AMTN: variants seen among roughly 807,000 people sequenced by gnomAD.
The protein encoded by AMTN is RSTI689.
A neutral mutation model predicts 27.4 loss-of-function variants in AMTN; 29 were observed. The ratio of observed to expected loss-of-function variants is 1.06; its 90% CI spans 0.79 to 1.44. The LOEUF (loss-of-function observed/expected upper bound fraction) is 1.44, where lower values mean the gene tolerates loss of function less well. Ranked by LOEUF, AMTN falls within the 40% of genes most tolerant of loss-of-function variation. AMTN has a pLI of 0.00. For synonymous variants in AMTN, 86 were observed against 95.7 expected (o/e 0.90, Z 0.59); for missense variants, 247 against 248.8 (o/e 0.99, Z 0.05).
chr4:70,523,548 C>T (rs115515088), intron 3 of AMTN, among the ~76,000 whole-genome samples: 2 of 152,206 alleles, frequency 1.3e-5, no homozygotes, highest in South Asian at 2.1e-4. Context: ...AATTTGGGAA[C>T]CTTCTTTAAG....
rs1366342987 is a variant in AMTN, at chr4:70,520,176, A to AGCAGGCCGGCTGT, written c.54+1353_54+1365dup. On this transcript the variant is annotated intron_variant, in intron 2 of 8. Coordinates refer to ENST00000339336, the MANE Select transcript of AMTN (RefSeq NM_212557.4). ...TCTCATGTGAGGTGGGCTGAGGTGG[A>AGCAGGCCGGCTGT]GCAGGCCGGCTGTGCAGGCCACAGC... Among the ~76,000 whole-genome samples, 3 of 152,212 alleles carry AGCAGGCCGGCTGT rather than the reference A, an allele frequency of 2.0e-5. No homozygotes were observed. In the East Asian group the frequency reaches 5.8e-4, roughly 29 times the overall value.
In AMTN at chr4:70,532,449, T is replaced by A. The variant is rs200789553; in HGVS notation, c.620-6T>A. The A allele has an allele frequency of 1.9e-4, 310 of 1,603,014 alleles. 1 individual carries two copies. The highest frequency in any genetic ancestry group is 1.8e-4 in the Non-Finnish European group (207 of 1,173,132). On this transcript the variant is annotated splice_polypyrimidine_tract_variant and splice_region_variant and intron_variant, in intron 8 of 8. Coordinates refer to ENST00000339336, the MANE Select transcript of AMTN (RefSeq NM_212557.4). ...TACATTTAAAAGGTGTTTTATTTTC[T>A]TCCAGGAATTCAGTAAGCTGTTTCA...
rs749175667 is a variant in AMTN at position 70,524,961 on chromosome 4, T to C, written c.294T>C (p.His98=). 5.6e-6 allele frequency: 9 copies of C among 1,613,392 alleles called. No individual in the cohort carries two copies. The highest frequency in any genetic ancestry group is 1.7e-5 in the Admixed American group (1 of 59,994). The change falls in exon 5 of 9, where the codon CAT becomes CAC. Residue 98 remains histidine, a splice_region_variant and synonymous_variant. Transcript: ENST00000339336. ...GLNVQQQLHP[H]VLPIFVTQLG... The stretch of plus-strand genomic sequence containing the variant: ...ATGTACAACAGCAACTGCACCCACA[T>C]GTAAGTTGAACAGCTGGACCTTAGT...
intron 5 of AMTN, among the ~76,000 whole-genome samples, chr4:70,526,798 C>T (rs187692531): frequency 1.3e-4 from 20 of 152,260 alleles, no homozygotes; most frequent in East Asian, 7.7e-4. Context: ...ACGTTGTACA[C>T]TCTCTGTGCA....
chr4:70,529,305 A>G lies in AMTN; in HGVS notation c.357+95A>G, dbSNP rs1263555411. On this transcript the variant is annotated intron_variant, in intron 7 of 8. Transcript: ENST00000339336. ...TCTCTTTTGACCATAAATCCTAAATATGGTATGTACTACAATGAACTGAAC... is the reference window on the plus strand; with the variant it reads ...TCTCTTTTGACCATAAATCCTAAATGTGGTATGTACTACAATGAACTGAAC... The G allele has an allele frequency of 3.3e-6, 3 of 909,850 alleles. No individual in the cohort carries two copies. In the African/African-American group the frequency reaches 5.2e-5, roughly 16 times the overall value. 56.4% of individuals were successfully genotyped at this position (909,850 alleles called of 1,614,324 possible).
intron 3 of AMTN, 147 bp from the exon 4 acceptor site, chr4:70,523,721 T>C (rs948359539): frequency 1.5e-5 from 10 of 667,994 alleles, no homozygotes; most frequent in Non-Finnish European, 2.4e-5. Flanking sequence ...GCAATGCTAG[T>C]GAGAGGCCCC....
At position 70,532,560 on chromosome 4, in the gene AMTN, T is replaced by G; in HGVS notation, c.*95T>G. 2 of 1,119,892 alleles carry G rather than the reference T, an allele frequency of 1.8e-6. No individual in the cohort carries two copies. The highest frequency in any genetic ancestry group is 2.2e-5 in the Admixed American group (1 of 46,068). The allele number at this position is 1,119,892 out of a possible 1,614,324, so 69.4% of individuals were successfully genotyped here. On this transcript the variant is annotated 3_prime_UTR_variant, in exon 9 of 9. Transcript: ENST00000339336. ...TATTATGGAATAGATTGAGACACAT[T>G]GGATAGTCTTAGAAGAAATTAATTC...
intron 2 of AMTN, 93 bp downstream of exon 2, chr4:70,518,924 T>C: frequency 9.6e-7 from 1 of 1,039,164 alleles, no homozygotes. Flanking sequence ...TCAAAACTGC[T>C]CTGTTTTGTG....
chr4:70,531,509 T>C (rs1242580719), intron 8 of AMTN, among the ~76,000 whole-genome samples: 1 of 152,170 alleles, frequency 6.6e-6, no homozygotes, highest in Admixed American at 6.5e-5. Flanking sequence ...GAAGAATTTG[T>C]GTGAGTGTTT....
intron 2 of AMTN, 116 bp from the exon 3 acceptor site, chr4:70,522,639 A>C: frequency 2.0e-6 from 2 of 1,001,644 alleles, no homozygotes; most frequent in Non-Finnish European, 3.1e-6. Context: ...ACTCCTCTAA[A>C]ATACACAAAG....
chr4:70,528,420 G>A (rs1736144616), intron 5 of AMTN, among the ~76,000 whole-genome samples: 1 of 152,188 alleles, frequency 6.6e-6, no homozygotes, highest in African/African-American at 2.4e-5. Context: ...GAAGGCTGAG[G>A]CAGGCAGATC....
At chr4:70,532,738 AACTG>A in exon 9 of AMTN, 1 of 338,980 alleles carries the variant, frequency 3.0e-6, no homozygotes, top group Non-Finnish European at 5.3e-6. Flanking sequence ...ATATTTGGAA[AACTG>A]ACTCTTTTTC....
At chr4:70,521,087 TGAC>T (rs1735945498) in intron 2 of AMTN, among the ~76,000 whole-genome samples, 1 of 152,012 alleles carries the variant, frequency 6.6e-6, no homozygotes, top group African/African-American at 2.4e-5. Flanking sequence ...TGAGTGAAAT[TGAC>T]AGTCGTTGGC....
chr4:70,528,110 T>G (rs924146050), intron 5 of AMTN, among the ~76,000 whole-genome samples: 2 of 152,238 alleles, frequency 1.3e-5, no homozygotes, highest in African/African-American at 4.8e-5. Flanking sequence ...AACATTATTG[T>G]TACTTGAAAT....
chr4:70,521,107 C>T (rs901047070), intron 2 of AMTN, among the ~76,000 whole-genome samples: 2 of 152,224 alleles, frequency 1.3e-5, no homozygotes, highest in Non-Finnish European at 2.9e-5. Flanking sequence ...TGGCCAGGCA[C>T]GGTGGCTAAC....
chr4:70,519,358 T>C (rs1457564936), intron 2 of AMTN, among the ~76,000 whole-genome samples: 2 of 151,984 alleles, frequency 1.3e-5, no homozygotes, highest in Non-Finnish European at 2.9e-5. Context: ...CAGGAAAAAA[T>C]TAAAAAGCCC....
At chr4:70,524,031 C>A in intron 4 of AMTN, 98 bp downstream of exon 4, 1 of 918,248 alleles carries the variant, frequency 1.1e-6, no homozygotes, top group Non-Finnish European at 1.7e-6. Flanking sequence ...CGTATATCCA[C>A]AAATGAAAAC....
At chr4:70,524,784 A>C in intron 4 of AMTN, 88 bp from the exon 5 acceptor site, 1 of 1,211,816 alleles carries the variant, frequency 8.3e-7, no homozygotes, top group Non-Finnish European at 1.2e-6. Context: ...TCCTTTAAAT[A>C]TATTTTACGT....
Position 70,531,072 on chromosome 4 carries a change from T to C in AMTN, c.391T>C (p.Leu131=), listed in dbSNP as rs1338441687. The change falls in exon 8 of 9, where the codon TTG becomes CTG. Residue 131 remains leucine (L), a synonymous_variant. Transcript: ENST00000339336. Reference sequence around the variant, plus strand: ...CTTCACGAGCCTCATCATCCATTCCTTGTTCCCGGGAGGCATCCTGCCCAC... The same window carrying C: ...CTTCACGAGCCTCATCATCCATTCCCTGTTCCCGGGAGGCATCCTGCCCAC... ...QIFTSLIIHS[L]FPGGILPTSQ... is the part of the protein sequence containing the mutation. 3 of 1,614,094 alleles carry C rather than the reference T, an allele frequency of 1.9e-6. No homozygotes were observed. Among genetic ancestry groups the C allele is most frequent in the East Asian group, 4.5e-5 (2 of 44,848 alleles).
Sources: gnomAD v4.1 joint callset for allele counts (sites outside exome capture counted in the v4.1 genomes callset) on GRCh38, gnomAD v4.1.1 for gene constraint, MANE v1.5 for transcripts, NCBI Gene and HGNC (gene_info 2026-07-23, HGNC 2026-07-21) for gene names.